The following VAT1L variants were observed in gnomAD, a reference collection of about 807,000 sequenced individuals.
VAT1L encodes the protein vesicle amine transport 1 like.
A neutral mutation model predicts 44.1 loss-of-function variants in VAT1L; 34 were observed. The observed-to-expected ratio is 0.77, with a 90% CI of 0.59 to 1.03. The LOEUF (loss-of-function observed/expected upper bound fraction) is 1.03, where lower values mean the gene tolerates loss of function less well. VAT1L is among the 50% of genes least tolerant of loss of function. The pLI, the probability that VAT1L is intolerant of heterozygous loss-of-function variation, is 0.00. For synonymous variants in VAT1L, 253 were observed against 202.2 expected, an observed-to-expected ratio of 1.25 and a Z score of -2.13; for missense variants, 615 against 538.8, an observed-to-expected ratio of 1.14 and a Z score of -1.40.
chr16:77,953,666 A>G (rs2018070460), intron 7 of VAT1L, among the ~76,000 whole-genome samples: 1 of 152,132 alleles, frequency 6.6e-6, no homozygotes, highest in African/African-American at 2.4e-5. Context: ...CTAGGATTAC[A>G]GGTGCGTGCC....
chr16:77,833,546 T>A (rs1450113560), intron 3 of VAT1L, among the ~76,000 whole-genome samples: 1 of 150,802 alleles, frequency 6.6e-6, no homozygotes, highest in Non-Finnish European at 1.5e-5. Flanking sequence ...AGGTCAGGAG[T>A]TCGAGACCAT....
chr16:77,973,675 TA>T lies in VAT1L; in HGVS notation c.1161+1756del, dbSNP rs36095384. Among the ~76,000 whole-genome samples the T allele has an allele frequency of 5.9e-3, 864 of 145,396 alleles. 1 individual carries two copies. Among genetic ancestry groups the T allele is most frequent in the Middle Eastern group, 0.022 (6 of 270 alleles). ...GATTCTTGAAGCTGCATCAGTTCTT[TA>T]AAAAAAAAAAAAAGAACTAAAATTT... On this transcript the variant is annotated intron_variant, in intron 8 of 8. Coordinates refer to ENST00000302536, the MANE Select transcript of VAT1L (RefSeq NM_020927.3).
At chr16:77,822,143 A>G (rs2016462363) in intron 2 of VAT1L, among the ~76,000 whole-genome samples, 1 of 151,804 alleles carries the variant, frequency 6.6e-6, no homozygotes, top group African/African-American at 2.4e-5. Context: ...TTATTTATTT[A>G]TTTATTTAGA....
chr16:77,872,060 A>C (rs2017038732), intron 4 of VAT1L, among the ~76,000 whole-genome samples: 1 of 152,182 alleles, frequency 6.6e-6, no homozygotes, highest in South Asian at 2.1e-4. Context: ...CTTCATAAAG[A>C]AAATGTAGGT....
chr16:77,857,542 T>C (rs1278374224), intron 3 of VAT1L, among the ~76,000 whole-genome samples: 1 of 151,986 alleles, frequency 6.6e-6, no homozygotes, highest in African/African-American at 2.4e-5. Context: ...ATTTGTGTTT[T>C]CCATCCATTA....
chr16:77,938,921 C>G (rs898865706), intron 7 of VAT1L, among the ~76,000 whole-genome samples: 1 of 152,084 alleles, frequency 6.6e-6, no homozygotes, highest in Non-Finnish European at 1.5e-5. Flanking sequence ...AAAGGGGAAA[C>G]AGGAGTGTGG....
At chr16:77,930,297 C>T (rs1276548362) in intron 7 of VAT1L, among the ~76,000 whole-genome samples, 1 of 152,218 alleles carries the variant, frequency 6.6e-6, no homozygotes, top group Non-Finnish European at 1.5e-5. Flanking sequence ...CACTAGGTCT[C>T]TCCCATGAGT....
intron 1 of VAT1L, among the ~76,000 whole-genome samples, chr16:77,805,561 CGTCTGCTTGGCACAAAGCCTCGCACGAG>C (rs11270592): frequency 0.18 from 27,791 of 152,016 alleles, 2,682 homozygotes; most frequent in Admixed American, 0.23. Flanking sequence ...TCCCTTACTG[CGTCTGCTTGGCACAAAGCCTCGCACGAG>C]GTCTGCTTGC....
chr16:77,943,542 G>T (rs1482163382), intron 7 of VAT1L, among the ~76,000 whole-genome samples: 3 of 151,598 alleles, frequency 2.0e-5, no homozygotes, highest in East Asian at 3.9e-4. Flanking sequence ...TGGGACTACA[G>T]GTGCCCGCCA....
At chr16:77,828,740 A>T (rs80134146) in intron 3 of VAT1L, among the ~76,000 whole-genome samples, 2,652 of 152,246 alleles carry the variant, frequency 0.017, 66 homozygotes, top group African/African-American at 0.061. Context: ...GAGAAGCTAC[A>T]CTGCTGGCTC....
intron 7 of VAT1L, among the ~76,000 whole-genome samples, chr16:77,913,400 C>T (rs1203490994): frequency 6.6e-6 from 1 of 152,082 alleles, no homozygotes; most frequent in Non-Finnish European, 1.5e-5. Flanking sequence ...TCCAAGCAAA[C>T]TCCTGCCCCC....
intron 1 of VAT1L, 65 bp from the exon 2 acceptor site, chr16:77,816,856 C>A: frequency 2.0e-6 from 3 of 1,481,232 alleles, no homozygotes; most frequent in Non-Finnish European, 2.7e-6. Flanking sequence ...GAAAAGAAAA[C>A]CAGGTCGGTG....
At chr16:77,945,520 C>A (rs1250516243) in intron 7 of VAT1L, among the ~76,000 whole-genome samples, 1 of 151,860 alleles carries the variant, frequency 6.6e-6, no homozygotes. Flanking sequence ...GAATTCCTGG[C>A]CTCAAGCGAT....
At chr16:77,808,787 A>G (rs2016209891) in intron 1 of VAT1L, among the ~76,000 whole-genome samples, 1 of 151,958 alleles carries the variant, frequency 6.6e-6, no homozygotes, top group Admixed American at 6.6e-5. Context: ...AGTAGAGATG[A>G]TGTTTTTCCA....
chr16:77,885,433 G>A (rs897798768), intron 7 of VAT1L, among the ~76,000 whole-genome samples: 2 of 152,116 alleles, frequency 1.3e-5, no homozygotes, highest in East Asian at 3.9e-4. Context: ...GCTAGGAGAA[G>A]GCAGGGTCTA....
chr16:77,949,986 C>A (rs1039713382), intron 7 of VAT1L, among the ~76,000 whole-genome samples: 1 of 152,186 alleles, frequency 6.6e-6, no homozygotes, highest in Non-Finnish European at 1.5e-5. Flanking sequence ...CTTAAGTTTT[C>A]CCTCAGCCAT....
chr16:77,866,691 A>G (rs1227487308), intron 4 of VAT1L, among the ~76,000 whole-genome samples: 1 of 152,136 alleles, frequency 6.6e-6, no homozygotes, highest in Non-Finnish European at 1.5e-5. Flanking sequence ...CTTTGAACAC[A>G]TTCTCAGCCT....
intron 8 of VAT1L, among the ~76,000 whole-genome samples, chr16:77,974,393 C>G (rs1437884374): frequency 6.6e-6 from 1 of 152,188 alleles, no homozygotes; most frequent in African/African-American, 2.4e-5. Flanking sequence ...CTGGGATGCT[C>G]CTGTGTCCAT....
chr16:77,798,090 C>T (rs984765850), intron 1 of VAT1L, among the ~76,000 whole-genome samples: 2 of 152,172 alleles, frequency 1.3e-5, no homozygotes, highest in Non-Finnish European at 2.9e-5. Flanking sequence ...CCAGAATTTT[C>T]CTGGAGCCAG....
Sources: gnomAD v4.1 joint callset for allele counts (sites outside exome capture counted in the v4.1 genomes callset) on GRCh38, gnomAD v4.1.1 for gene constraint, MANE v1.5 for transcripts, NCBI Gene and HGNC (gene_info 2026-07-23, HGNC 2026-07-21) for gene names.